PNKD: variants seen among roughly 807,000 people sequenced by gnomAD.
The protein encoded by PNKD is probable thioesterase PNKD.
In PNKD, 36 loss-of-function variants were observed where a neutral mutation model predicts 45.3. That is an observed-to-expected ratio of 0.80 (90% CI 0.61 to 1.05). PNKD has a LOEUF of 1.05. Ranked by LOEUF, PNKD falls within the 50% of genes least tolerant of loss-of-function variation. The pLI is 0.00. For synonymous variants in PNKD, 197 were observed against 210.1 expected, an observed-to-expected ratio of 0.94 and a Z score of 0.54; for missense variants, 511 against 506.6, an observed-to-expected ratio of 1.01 and a Z score of -0.08.
intron 2 of PNKD, among the ~76,000 whole-genome samples, chr2:218,319,392 T>TC (rs1693916554): frequency 6.8e-6 from 1 of 147,640 alleles, no homozygotes; most frequent in African/African-American, 2.5e-5. Context: ...TTTTTTTTTT[T>TC]TGAGATGGAG....
At chr2:218,290,299 T>TAA (rs1383124213) in intron 2 of PNKD, among the ~76,000 whole-genome samples, 2 of 152,214 alleles carry the variant, frequency 1.3e-5, no homozygotes, top group African/African-American at 4.8e-5. Flanking sequence ...CAAACTCCCT[T>TAA]AAGCCTGAGC....
intron 2 of PNKD, chr2:218,277,733 G>T: frequency 6.2e-7 from 1 of 1,604,192 alleles, no homozygotes; most frequent in Non-Finnish European, 8.5e-7. Flanking sequence ...GGTGCTGGGG[G>T]AGTGGCCATG....
At chr2:218,315,117 C>CT (rs1159405450) in intron 2 of PNKD, among the ~76,000 whole-genome samples, 69 of 119,954 alleles carry the variant, frequency 5.8e-4, no homozygotes, top group South Asian at 4.8e-3. Context: ...TCCTTCCTTC[C>CT]TTCCTTTCTT....
chr2:218,311,515 T>C (rs1457315657), intron 2 of PNKD, among the ~76,000 whole-genome samples: 1 of 152,152 alleles, frequency 6.6e-6, no homozygotes, highest in African/African-American at 2.4e-5. Context: ...ATCTGTATCA[T>C]GAATAAGTTC....
Position 218,340,134 on chromosome 2 carries a change from C to A in PNKD, c.458C>A (p.Ala153Asp). 6.2e-7 allele frequency: 1 copy of A among 1,608,052 alleles called. No homozygotes were observed. The highest frequency in any genetic ancestry group is 8.5e-7 in the Non-Finnish European group (1 of 1,174,768). ...GCTGTGGACCCTTCAGACCCTCGGG[C>A]TGTGCAGGTGAGGGGAGGGCAGGGA... is the stretch of plus-strand genomic sequence containing the variant. ...AVAVDPSDPR[A>D]VQASIEKEGV... The change falls in exon 4 of 10, where the codon GCT (alanine) becomes GAT (aspartate). Residue 153 changes from alanine (A) to aspartate (D), a missense_variant. Ala to Asp is a moderately radical substitution (Grantham distance 126). Transcript: ENST00000273077. This position sits in a 1 kb window ranked among gnomAD's most constrained non-coding sequence, Gnocchi z 4.2.
chr2:218,294,531 G>T (rs1475708520), intron 2 of PNKD, among the ~76,000 whole-genome samples: 1 of 152,174 alleles, frequency 6.6e-6, no homozygotes, highest in Non-Finnish European at 1.5e-5. Context: ...CTCACTCTGT[G>T]CAATGGCACA....
At chr2:218,279,145 C>T in intron 2 of PNKD, 2 of 1,609,322 alleles carry the variant, frequency 1.2e-6, no homozygotes, top group South Asian at 2.2e-5. Flanking sequence ...CTGCCCCACC[C>T]AGGCCAGCCA....
At position 218,345,893 on chromosome 2, in the gene PNKD, T is replaced by C. The variant is rs1694816297; in HGVS notation, c.*912T>C. The C allele has an allele frequency of 6.6e-6, 1 of 152,490 alleles. No individual in the cohort carries two copies. Among genetic ancestry groups the C allele is most frequent in the African/African-American group, 2.4e-5 (1 of 41,482 alleles). The allele number at this position is 152,490 out of a possible 1,614,324, so 9.4% of individuals were successfully genotyped here. On this transcript the variant is annotated 3_prime_UTR_variant, in exon 10 of 10. Coordinates refer to ENST00000273077, the MANE Select transcript of PNKD (RefSeq NM_015488.5). ...GCCCGTCTGCCCGCCTTCCTCCATCTAACCTTTCCTGTTTTATCCGCAGCC... is the reference window on the plus strand; with the variant it reads ...GCCCGTCTGCCCGCCTTCCTCCATCCAACCTTTCCTGTTTTATCCGCAGCC...
chr2:218,275,377 G>A, intron 2 of PNKD: 2 of 1,462,926 alleles, frequency 1.4e-6, no homozygotes, highest in Non-Finnish European at 1.8e-6. Context: ...TACTCAAGGG[G>A]AAGGAAAGGG....
At chr2:218,288,495 G>A (rs1692706914) in intron 2 of PNKD, among the ~76,000 whole-genome samples, 1 of 152,222 alleles carries the variant, frequency 6.6e-6, no homozygotes, top group South Asian at 2.1e-4. Context: ...ACCACTTCCA[G>A]TACTTACTAT....
chr2:218,304,203 G>A (rs1693352793), intron 2 of PNKD, among the ~76,000 whole-genome samples: 1 of 151,998 alleles, frequency 6.6e-6, no homozygotes, highest in African/African-American at 2.4e-5. Flanking sequence ...GCCCAGGCTG[G>A]AGTGCAGTGG....
At chr2:218,331,765 G>A (rs1256604582) in intron 2 of PNKD, among the ~76,000 whole-genome samples, 4 of 152,148 alleles carry the variant, frequency 2.6e-5, no homozygotes, top group Admixed American at 2.0e-4. Flanking sequence ...ACCGCGCCCA[G>A]CCATGCTTTT....
rs550833088 is a variant in PNKD at position 218,337,112 on chromosome 2, C to CT, written c.237-2662dup. 4.2e-4 allele frequency among the ~76,000 whole-genome samples: 63 copies of CT among 148,968 alleles called. No individual in the cohort carries two copies. The South Asian group carries it at 0.011, about 26-fold the overall frequency. On this transcript the variant is annotated intron_variant, in intron 2 of 9. Coordinates refer to ENST00000273077, the MANE Select transcript of PNKD (RefSeq NM_015488.5). ...ACTGCACCCAGCCTTCAATTCTTTT[C>CT]TTTTTTTTTATTGAGATGGAGTCTC...
At chr2:218,280,258 C>A (rs1691754660) in intron 2 of PNKD, 2 of 690,866 alleles carry the variant, frequency 2.9e-6, no homozygotes, top group African/African-American at 1.8e-5. Flanking sequence ...AACTCTTCTC[C>A]CAAGCTGGGG....
At chr2:218,304,886 C>T (rs1199148346) in intron 2 of PNKD, among the ~76,000 whole-genome samples, 1 of 151,980 alleles carries the variant, frequency 6.6e-6, no homozygotes, top group East Asian at 1.9e-4. Context: ...ACCAGCCTGG[C>T]CAACATGGTG....
At chr2:218,271,193 C>T (rs1453410629) in intron 1 of PNKD, 188 bp from the exon 2 acceptor site, 4 of 650,594 alleles carry the variant, frequency 6.1e-6, no homozygotes, top group Non-Finnish European at 1.1e-5. Flanking sequence ...AAGTGGCTTC[C>T]AAAGGTGCCA....
chr2:218,341,812 A>G (rs1694685508), intron 6 of PNKD, 169 bp from the exon 7 acceptor site: 1 of 766,046 alleles, frequency 1.3e-6, no homozygotes, highest in East Asian at 2.7e-5. Context: ...AGTCCCCAAA[A>G]GAGGAAAGGG....
chr2:218,314,985 C>T (rs577075991), intron 2 of PNKD, among the ~76,000 whole-genome samples: 4 of 137,116 alleles, frequency 2.9e-5, no homozygotes, highest in East Asian at 2.3e-4. Flanking sequence ...CCACTATGCC[C>T]GCCTGAGGTT....
At chr2:218,283,167 G>A in intron 2 of PNKD, among the ~76,000 whole-genome samples, 1 of 152,066 alleles carries the variant, frequency 6.6e-6, no homozygotes. Context: ...AGCCAGGGGA[G>A]GGCCAAGAAA....
Sources: allele counts gnomAD v4.1 joint callset (sites outside exome capture counted in the v4.1 genomes callset), GRCh38; gene constraint gnomAD v4.1.1; non-coding constraint Gnocchi (gnomAD v3.1); transcripts MANE v1.5; gene names NCBI Gene and HGNC (gene_info 2026-07-23, HGNC 2026-07-21).